LURAP1L: variants seen among roughly 807,000 people sequenced by gnomAD.
LURAP1L encodes leucine rich adaptor protein 1 like.
A neutral mutation model predicts 13.8 loss-of-function variants in LURAP1L; 12 were observed. The observed-to-expected ratio is 0.87, with a 90% CI of 0.56 to 1.41. The LOEUF is 1.41. LURAP1L is among the 40% of genes most tolerant of loss of function. The pLI is 0.00. For missense variants in LURAP1L, 375 were observed against 292.9 expected (o/e 1.28, Z -2.04); for synonymous variants, 139 against 119.2 (o/e 1.17, Z -1.08).
intron 1 of LURAP1L, among the ~76,000 whole-genome samples, chr9:12,801,697 T>C (rs1218915486): frequency 6.6e-6 from 1 of 152,196 alleles, no homozygotes; most frequent in Non-Finnish European, 1.5e-5. Context: ...TTCTTTTATA[T>C]TCATTCTTTT....
intron 1 of LURAP1L, among the ~76,000 whole-genome samples, chr9:12,818,645 T>C (rs1280262395): frequency 6.6e-6 from 1 of 152,086 alleles, no homozygotes; most frequent in African/African-American, 2.4e-5. Context: ...AGCCCTCAAG[T>C]AGTGCTTGAC....
rs148655170 is a variant in LURAP1L, at chr9:12,816,067, A to G, written c.313-5319A>G. Among the ~76,000 whole-genome samples the G allele has an allele frequency of 3.4e-3, 511 of 152,288 alleles. 2 individuals carry two copies. The highest frequency in any genetic ancestry group is 0.012 in the African/African-American group (491 of 41,568). ...GAATAATTTTCTCATAACGTAAACA[A>G]TTTCGTAATCAAATGGCCACAGGAA... On this transcript the variant is annotated intron_variant, in intron 1 of 1. Coordinates refer to ENST00000319264, the MANE Select transcript of LURAP1L (RefSeq NM_203403.2).
chr9:12,820,923 G>C (rs1365169413), intron 1 of LURAP1L, among the ~76,000 whole-genome samples: 1 of 152,054 alleles, frequency 6.6e-6, no homozygotes, highest in African/African-American at 2.4e-5. Context: ...GATGGTGCTT[G>C]GCACATTATC....
chr9:12,796,447 A>C (rs1184954795), intron 1 of LURAP1L, among the ~76,000 whole-genome samples: 1 of 151,946 alleles, frequency 6.6e-6, no homozygotes, highest in Non-Finnish European at 1.5e-5. Flanking sequence ...TTGTGTTATA[A>C]ACCCTTTCCT....
In LURAP1L at chr9:12,821,420, G is replaced by T; in HGVS notation, c.347G>T (p.Arg116Leu). Residue 116 changes from arginine to leucine, a missense_variant, in exon 2 of 2, where the codon CGC (arginine) becomes CTC (leucine). Transcript: ENST00000319264. ...NLRATDVRLM[R>L]QLLVINESIE... Reference sequence around the variant, plus strand: ...AGAGCCACAGACGTCAGGCTCATGCGCCAGTTGCTTGTAATCAATGAGAGC... The same window carrying T: ...AGAGCCACAGACGTCAGGCTCATGCTCCAGTTGCTTGTAATCAATGAGAGC... The T allele has an allele frequency of 6.2e-7, 1 of 1,614,066 alleles. No homozygotes were observed. The highest frequency in any genetic ancestry group is 2.2e-5 in the East Asian group (1 of 44,876).
At chr9:12,791,475 A>T (rs1819439904) in intron 1 of LURAP1L, among the ~76,000 whole-genome samples, 2 of 152,114 alleles carry the variant, frequency 1.3e-5, no homozygotes, top group Non-Finnish European at 2.9e-5. Flanking sequence ...TATATCATCC[A>T]GAGGAGGATT....
intron 1 of LURAP1L, among the ~76,000 whole-genome samples, chr9:12,812,444 C>T (rs972992062): frequency 4.6e-5 from 7 of 152,164 alleles, no homozygotes; most frequent in Non-Finnish European, 7.4e-5. Context: ...CTTATTTTTA[C>T]TCACTCTCTG....
At chr9:12,777,644 G>A (rs1819208283) in intron 1 of LURAP1L, 2 of 889,886 alleles carry the variant, frequency 2.2e-6, no homozygotes, top group Admixed American at 6.2e-5. Flanking sequence ...TGGACACTCA[G>A]ACACAATTTA....
At chr9:12,779,169 A>C (rs115586106) in intron 1 of LURAP1L, among the ~76,000 whole-genome samples, 88 of 152,104 alleles carry the variant, frequency 5.8e-4, no homozygotes, top group African/African-American at 2.1e-3. Context: ...ATAAGGGTGT[A>C]CTACTACATT....
intron 1 of LURAP1L, among the ~76,000 whole-genome samples, chr9:12,785,448 C>A (rs775865772): frequency 6.6e-6 from 1 of 152,050 alleles, no homozygotes; most frequent in African/African-American, 2.4e-5. Context: ...GAACTTTCCT[C>A]CTTGAAAGGC....
At chr9:12,801,548 C>G (rs1819585742) in intron 1 of LURAP1L, among the ~76,000 whole-genome samples, 1 of 152,098 alleles carries the variant, frequency 6.6e-6, no homozygotes, top group Non-Finnish European at 1.5e-5. Context: ...TTTCATTAAA[C>G]TGCTGTAAGA....
At chr9:12,796,202 ATAAT>A (rs1304338438) in intron 1 of LURAP1L, among the ~76,000 whole-genome samples, 1 of 151,930 alleles carries the variant, frequency 6.6e-6, no homozygotes, top group Non-Finnish European at 1.5e-5. Flanking sequence ...GTTTCATTTT[ATAAT>A]TAAAGATCTT....
intron 1 of LURAP1L, among the ~76,000 whole-genome samples, chr9:12,794,942 G>A (rs549608980): frequency 5.3e-4 from 81 of 152,064 alleles, no homozygotes; most frequent in African/African-American, 1.9e-3. Context: ...GGTAGGTAAA[G>A]TATGAGGTTG....
chr9:12,799,949 C>G (rs577728896), intron 1 of LURAP1L, among the ~76,000 whole-genome samples: 35 of 150,462 alleles, frequency 2.3e-4, no homozygotes, highest in Admixed American at 9.2e-4. Flanking sequence ...TTTTGATATA[C>G]ATAGGGAAAT....
At chr9:12,794,166 G>A (rs1819482659) in intron 1 of LURAP1L, among the ~76,000 whole-genome samples, 1 of 152,002 alleles carries the variant, frequency 6.6e-6, no homozygotes, top group Admixed American at 6.6e-5. Context: ...TCCTAAACTG[G>A]TTGTTCCGAG....
intron 1 of LURAP1L, among the ~76,000 whole-genome samples, chr9:12,804,531 T>C (rs1032856668): frequency 1.3e-5 from 2 of 151,964 alleles, no homozygotes; most frequent in Non-Finnish European, 2.9e-5. Flanking sequence ...TTAGTCGAAA[T>C]GGAGTTTCAC....
chr9:12,814,914 A>C (rs909420111), intron 1 of LURAP1L, among the ~76,000 whole-genome samples: 6 of 152,222 alleles, frequency 3.9e-5, no homozygotes, highest in African/African-American at 1.2e-4. Context: ...TCTGTTGCCC[A>C]GTTAGAAACA....
At position 12,775,562 on chromosome 9, in the gene LURAP1L, C is replaced by G; in HGVS notation, c.-154C>G. 3.9e-6 allele frequency: 5 copies of G among 1,280,710 alleles called. No individual in the cohort carries two copies. The highest frequency in any genetic ancestry group is 5.2e-6 in the Non-Finnish European group (5 of 970,084). 79.3% of individuals were successfully genotyped at this position (1,280,710 alleles called of 1,614,324 possible). ...TGTGCGGATTTCAGGGCTGATACCG[C>G]ATAGGCGGTTATGGAAAGGACGGTA... On this transcript the variant is annotated 5_prime_UTR_variant, in exon 1 of 2. Transcript: ENST00000319264.
intron 1 of LURAP1L, among the ~76,000 whole-genome samples, chr9:12,811,892 G>T (rs1819741633): frequency 6.6e-6 from 1 of 152,176 alleles, no homozygotes; most frequent in Non-Finnish European, 1.5e-5. Flanking sequence ...TGATGAGGCT[G>T]CAGTCATCTC....
Sources: gnomAD v4.1 joint callset for allele counts (sites outside exome capture counted in the v4.1 genomes callset) on GRCh38, gnomAD v4.1.1 for gene constraint, MANE v1.5 for transcripts, NCBI Gene and HGNC (gene_info 2026-07-23, HGNC 2026-07-21) for gene names.